TENM3: variants seen among roughly 807,000 people sequenced by gnomAD.
TENM3 encodes the protein teneurin-3.
In TENM3, 63 loss-of-function variants were observed where a neutral mutation model predicts 255.1. The ratio of observed to expected loss-of-function variants is 0.25; its 90% confidence interval spans 0.20 to 0.30. The LOEUF (loss-of-function observed/expected upper bound fraction) is 0.30. Ranked by LOEUF, TENM3 falls within the 10% of genes least tolerant of loss-of-function variation. The probability of loss-of-function intolerance (pLI) is 1.00; values close to 1 mark genes in which losing one functional copy is unlikely to be tolerated. For synonymous variants in TENM3, 1,306 were observed against 1,322.3 expected (o/e 0.99, Z 0.27); for missense variants, 2,929 against 3,461.1 (o/e 0.85, Z 3.86).
chr4:182,733,969 CCATT>C (rs1202693452), intron 16 of TENM3, among the ~76,000 whole-genome samples: 6 of 152,152 alleles, frequency 3.9e-5, no homozygotes, highest in Non-Finnish European at 8.8e-5. Flanking sequence ...AGTCTTTTCT[CCATT>C]CGTTCATTCA....
chr4:181,605,569 A>AGAAAGG, the TENM3 span, among the ~76,000 whole-genome samples: 1 of 53,246 alleles, frequency 1.9e-5, no homozygotes, highest in African/African-American at 6.6e-5. Context: ...AAAGAAAGAA[A>AGAAAGG]GAGAGAGAAA....
the TENM3 span, among the ~76,000 whole-genome samples, chr4:181,834,442 A>C: frequency 6.6e-6 from 1 of 152,260 alleles, no homozygotes; most frequent in Non-Finnish European, 1.5e-5. Flanking sequence ...GGCTTACCGC[A>C]TAAGGGAGCT....
the TENM3 span, among the ~76,000 whole-genome samples, chr4:181,669,776 G>C: frequency 6.6e-6 from 1 of 152,054 alleles, no homozygotes; most frequent in African/African-American, 2.4e-5. Flanking sequence ...CTTGACTTTG[G>C]GGTCCACCGA....
chr4:181,527,460 C>A, the TENM3 span, among the ~76,000 whole-genome samples: 8 of 151,908 alleles, frequency 5.3e-5, no homozygotes, highest in Non-Finnish European at 8.8e-5. Flanking sequence ...CCTCTGCCTG[C>A]CAGGTTCAAG....
the TENM3 span, among the ~76,000 whole-genome samples, chr4:181,532,849 T>C: frequency 6.6e-6 from 1 of 152,316 alleles, no homozygotes; most frequent in East Asian, 1.9e-4. Context: ...TAGAATAACA[T>C]TTATTTTCAG....
chr4:182,454,635 T>C (rs926532394), intron 3 of TENM3, among the ~76,000 whole-genome samples: 3 of 152,238 alleles, frequency 2.0e-5, no homozygotes, highest in South Asian at 4.1e-4. Flanking sequence ...GTAGTTCTAT[T>C]GCTGCCGTTC....
At chr4:182,312,471 A>T (rs961467348) in intron 1 of TENM3, among the ~76,000 whole-genome samples, 4 of 152,214 alleles carry the variant, frequency 2.6e-5, no homozygotes, top group African/African-American at 9.6e-5. Flanking sequence ...AGATGGAATG[A>T]CCTACTTCAA....
the TENM3 span, among the ~76,000 whole-genome samples, chr4:181,788,547 A>G: frequency 1.3e-5 from 2 of 152,140 alleles, no homozygotes; most frequent in Non-Finnish European, 2.9e-5. Flanking sequence ...AATGTAGCCC[A>G]CCGCTGTGCT....
the TENM3 span, among the ~76,000 whole-genome samples, chr4:181,944,641 G>T: frequency 1.0e-5 from 1 of 97,210 alleles, no homozygotes; most frequent in Admixed American, 8.5e-5. Flanking sequence ...TGCCTGTGAT[G>T]GCCGGAGCCA....
At chr4:181,466,716 A>G in the TENM3 span, among the ~76,000 whole-genome samples, 1 of 152,138 alleles carries the variant, frequency 6.6e-6, no homozygotes, top group Non-Finnish European at 1.5e-5. Flanking sequence ...CATACTTGAG[A>G]CAGAACATGT....
chr4:181,552,688 T>A, the TENM3 span, among the ~76,000 whole-genome samples: 1 of 152,162 alleles, frequency 6.6e-6, no homozygotes, highest in South Asian at 2.1e-4. Context: ...ATTATGTTCT[T>A]CTGGGTGGTT....
chr4:182,501,272 A>G (rs943295587), intron 3 of TENM3, among the ~76,000 whole-genome samples: 2 of 152,034 alleles, frequency 1.3e-5, no homozygotes, highest in African/African-American at 2.4e-5. Flanking sequence ...CATGAAATCA[A>G]TCCATAAACA....
intron 1 of TENM3, among the ~76,000 whole-genome samples, chr4:182,184,061 C>A (rs1753001996): frequency 6.6e-6 from 1 of 151,986 alleles, no homozygotes; most frequent in African/African-American, 2.4e-5. Flanking sequence ...AAAAGCTGAC[C>A]AGCAGTTTGA....
intron 2 of TENM3, among the ~76,000 whole-genome samples, chr4:182,334,662 TA>T (rs1763987653): frequency 6.6e-6 from 1 of 152,100 alleles, no homozygotes; most frequent in Non-Finnish European, 1.5e-5. Context: ...AGTATATAGG[TA>T]AATTTAACAT....
At chr4:181,580,443 G>C in the TENM3 span, among the ~76,000 whole-genome samples, 1 of 152,172 alleles carries the variant, frequency 6.6e-6, no homozygotes, top group Non-Finnish European at 1.5e-5. Flanking sequence ...ACTGCAGGGA[G>C]AGAGTGGGGA....
chr4:182,621,795 T>TAATAATA (rs1750281354), intron 4 of TENM3, among the ~76,000 whole-genome samples: 3 of 33,466 alleles, frequency 9.0e-5, no homozygotes, highest in African/African-American at 2.9e-4. Flanking sequence ...ATATATATAA[T>TAATAATA]ATATAATATA....
chr4:182,011,597 T>C, the TENM3 span, among the ~76,000 whole-genome samples: 1 of 152,170 alleles, frequency 6.6e-6, no homozygotes, highest in African/African-American at 2.4e-5. Flanking sequence ...CATACAATAG[T>C]CTGTAGAATC....
chr4:182,296,121 G>A (rs1761475359), intron 1 of TENM3, among the ~76,000 whole-genome samples: 1 of 151,978 alleles, frequency 6.6e-6, no homozygotes. Flanking sequence ...GCACCACCGT[G>A]CCTGGCTAAT....
At chr4:181,964,747 G>A in the TENM3 span, among the ~76,000 whole-genome samples, 11 of 152,116 alleles carry the variant, frequency 7.2e-5, no homozygotes, top group Admixed American at 2.6e-4. Flanking sequence ...TATAAAACAC[G>A]TATTTGCCAC....
Sources: gnomAD v4.1 joint callset for allele counts (sites outside exome capture counted in the v4.1 genomes callset) on GRCh38, gnomAD v4.1.1 for gene constraint, MANE v1.5 for transcripts, NCBI Gene and HGNC (gene_info 2026-07-23, HGNC 2026-07-21) for gene names.